The following PELP1 variants were observed in gnomAD, a reference collection of about 807,000 sequenced individuals.
The protein encoded by PELP1 is proline-, glutamic acid- and leucine-rich protein 1.
PELP1 carries 32 observed loss-of-function variants against 95.5 expected under a neutral mutation model. The observed-to-expected ratio is 0.34, with a 90% CI of 0.25 to 0.45. PELP1 has a LOEUF of 0.45. Ranked by LOEUF, PELP1 falls within the 20% of genes least tolerant of loss-of-function variation. The pLI is 1.00. For synonymous variants in PELP1, 668 were observed against 600.1 expected, an observed-to-expected ratio of 1.11 and a Z score of -1.65; for missense variants, 1,358 against 1,444.8, an observed-to-expected ratio of 0.94 and a Z score of 0.97.
At chr17:4,702,811 T>C (rs1432145183) in intron 1 of PELP1, among the ~76,000 whole-genome samples, 4 of 152,082 alleles carry the variant, frequency 2.6e-5, no homozygotes, top group Non-Finnish European at 5.9e-5. Flanking sequence ...GGAGGTTTAG[T>C]GGGAGAGAAG....
rs540276636 is a variant in PELP1, at chr17:4,673,379, G to T, written c.1716C>A (p.Ser572Arg). 1.9e-6 allele frequency: 3 copies of T among 1,597,382 alleles called. No individual in the cohort carries two copies. In the South Asian group the frequency reaches 3.4e-5, roughly 18 times the overall value. Residue 572 changes from serine (S) to arginine (R), a missense_variant, in exon 15 of 17, where the codon AGC (serine) becomes AGA (arginine). By Grantham distance (110) the Ser-to-Arg change is moderately radical. Transcript: ENST00000572293. This position sits in a 1 kb window ranked among gnomAD's most constrained non-coding sequence, Gnocchi z 5.7. ...GEVLGSSPYT[S>R]SRCRRELYCL... ...AGTAGAGTTCACGGCGGCAGCGGGA[G>T]CTCGTGTACGGGGAGCTGCCTAGGA... is the stretch of plus-strand genomic sequence containing the variant.
At chr17:4,681,631 C>T (rs113114232) in intron 5 of PELP1, among the ~76,000 whole-genome samples, 7 of 152,076 alleles carry the variant, frequency 4.6e-5, no homozygotes, top group South Asian at 2.1e-4. Flanking sequence ...GAAACCCCAT[C>T]TCTACTAAAA....
Position 4,676,097 on chromosome 17 carries a change from C to T in PELP1, c.919G>A (p.Val307Ile). The T allele has an allele frequency of 6.2e-7, 1 of 1,614,024 alleles. No homozygotes were observed. Among genetic ancestry groups the T allele is most frequent in the Non-Finnish European group, 8.5e-7 (1 of 1,179,894 alleles). The change falls in exon 8 of 17, where the codon GTC becomes ATC. Residue 307 changes from valine to isoleucine, a missense_variant. Coordinates refer to ENST00000572293, the MANE Select transcript of PELP1 (RefSeq NM_014389.3). ...AACCTCTGCCGAAGCTGGAGAAGGA[C>T]ATGGGCATCACCATCTTCTGAGGAC... ...LLSSEDGDAH[V>I]LLQLRQRFSG...
chr17:4,689,356 T>C (rs1321486151), intron 3 of PELP1, among the ~76,000 whole-genome samples: 1 of 152,210 alleles, frequency 6.6e-6, no homozygotes, highest in Non-Finnish European at 1.5e-5. Context: ...AAAAAGCCTC[T>C]GCACAGCAAA....
At chr17:4,695,089 G>A (rs2326116) in intron 1 of PELP1, among the ~76,000 whole-genome samples, 148,241 of 151,660 alleles carry the variant, frequency 0.98, 72,529 homozygotes, top group Middle Eastern at 1. Context: ...TTGGGCAGCC[G>A]AAGCGGGTGG....
rs1912274136 is a variant in PELP1 at position 4,672,678 on chromosome 17, C to G, written c.2313G>C (p.Glu771Asp). ...PRPAFVHYDK[E>D]EASDVEISLE... is the part of the protein sequence containing the mutation. ...AGGAGATCTCCACATCAGATGCCTC[C>G]TCCTTGTCATAGTGGACAAAGGCTG... Residue 771 changes from glutamate (E) to aspartate (D), a missense_variant, in exon 16 of 17, where the codon GAG (glutamate) becomes GAC (aspartate). Coordinates refer to ENST00000572293, the MANE Select transcript of PELP1 (RefSeq NM_014389.3). The G allele has an allele frequency of 6.2e-7, 1 of 1,613,494 alleles. No homozygotes were observed. Among genetic ancestry groups the G allele is most frequent in the African/African-American group, 1.3e-5 (1 of 74,922 alleles).
At position 4,676,376 on chromosome 17, in the gene PELP1, C is replaced by T; in HGVS notation, c.834G>A (p.Leu278=). The change falls in exon 7 of 17, where the codon CTG becomes CTA. Residue 278 remains leucine (L), a synonymous_variant. Transcript: ENST00000572293. ...LASLHTLLGA[L]YEGAETAPVQ... Reference sequence around the variant, plus strand: ...CCCTACCAGTCTCTGCTCCCTCGTACAGGGCCCCCAGCAGGGTGTGCAGTG... The same window carrying T: ...CCCTACCAGTCTCTGCTCCCTCGTATAGGGCCCCCAGCAGGGTGTGCAGTG... The T allele has an allele frequency of 6.2e-7, 1 of 1,613,618 alleles. No homozygotes were observed. The highest frequency in any genetic ancestry group is 8.5e-7 in the Non-Finnish European group (1 of 1,179,718).
At chr17:4,676,701 G>A (rs1912494294) in intron 6 of PELP1, 52 bp downstream of exon 6, 1 of 1,486,854 alleles carries the variant, frequency 6.7e-7, no homozygotes, top group Admixed American at 2.0e-5. Flanking sequence ...AGCAGCAAGA[G>A]ACAATCCAGG....
rs1291162357 is a variant in PELP1, at chr17:4,675,023, G to GCACCC, written c.1274+51_1274+55dup. 3.1e-6 allele frequency: 5 copies of GCACCC among 1,605,832 alleles called. No homozygotes were observed. The East Asian group carries it at 1.1e-4, about 36-fold the overall frequency. The stretch of plus-strand genomic sequence containing the variant: ...ACATGCCAGAAGCCCCAGCCCACCT[G>GCACCC]CACCCCCTCACCCCCCTCTCCTCTT... On this transcript the variant is annotated intron_variant, in intron 11 of 16. Coordinates refer to ENST00000572293, the MANE Select transcript of PELP1 (RefSeq NM_014389.3). This position sits in a 1 kb window ranked among gnomAD's most constrained non-coding sequence, Gnocchi z 4.3.
At chr17:4,690,313 T>C (rs181212011) in intron 3 of PELP1, among the ~76,000 whole-genome samples, 3 of 152,210 alleles carry the variant, frequency 2.0e-5, no homozygotes, top group Non-Finnish European at 2.9e-5. Context: ...AAACTACATA[T>C]TGAGTACAAC....
rs753210674 is a variant in PELP1 at position 4,672,457 on chromosome 17, G to A, written c.2534C>T (p.Pro845Leu). 58 of 1,567,634 alleles carry A rather than the reference G, an allele frequency of 3.7e-5. No homozygotes were observed. Among genetic ancestry groups the A allele is most frequent in the African/African-American group, 5.4e-5 (4 of 74,302 alleles). Residue 845 changes from proline to leucine, a missense_variant, in exon 16 of 17, where the codon CCG (proline) becomes CTG (leucine). By Grantham distance (98) the Pro-to-Leu change is moderately conservative. Coordinates refer to ENST00000572293, the MANE Select transcript of PELP1 (RefSeq NM_014389.3). ...APGPLPPPPP[P>L]PPPVPGPVTL... ...CACAGGACCAGGAACAGGCGGCGGCGGAGGTGGGGGTGGCGGGAGAGGCCC... is the reference window on the plus strand; with the variant it reads ...CACAGGACCAGGAACAGGCGGCGGCAGAGGTGGGGGTGGCGGGAGAGGCCC...
rs1362766983 is a variant in PELP1 at position 4,673,929 on chromosome 17, G to A, written c.1583-255C>T. 11 of 475,960 alleles carry A rather than the reference G, an allele frequency of 2.3e-5. No homozygotes were observed. The East Asian group carries it at 3.0e-4, about 13-fold the overall frequency. The allele number at this position is 475,960 out of a possible 1,614,324, so 29.5% of individuals were successfully genotyped here. On this transcript the variant is annotated intron_variant, in intron 13 of 16. Transcript: ENST00000572293. This position sits in a 1 kb window ranked among gnomAD's most constrained non-coding sequence, Gnocchi z 5.7. ...TGCATTTATATATTTGGGAACAATC[G>A]GTTCTCCCCTTCCCATGGGATGGGG...
At position 4,676,777 on chromosome 17, in the gene PELP1, A is replaced by T; in HGVS notation, c.678T>A (p.Asp226Glu). Residue 226 changes from aspartate to glutamate, a missense_variant, in exon 6 of 17, where the codon GAT becomes GAA. Physicochemically the swap from Asp to Glu is conservative, Grantham distance 45. Transcript: ENST00000572293. The stretch of plus-strand genomic sequence containing the variant: ...CCTGTTGGAGCTGAGGGCTCAAGGC[A>T]TCCACCCTAGACAGAAAAAATGAGG... ...KLASFFLSRVDALSPQLQQLA... is the reference protein window; with the variant it reads ...KLASFFLSRVEALSPQLQQLA... The T allele has an allele frequency of 6.4e-7, 1 of 1,571,574 alleles. No individual in the cohort carries two copies. The highest frequency in any genetic ancestry group is 2.4e-5 in the East Asian group (1 of 42,508).
At position 4,672,782 on chromosome 17, in the gene PELP1, C is replaced by T; in HGVS notation, c.2209G>A (p.Asp737Asn). The change falls in exon 16 of 17, where the codon GAC becomes AAC. Residue 737 changes from aspartate (D) to asparagine (N), a missense_variant. This residue lies in a region of PELP1 where 340 missense variants were observed against 322.9 expected (regional missense o/e 1.05). Transcript: ENST00000572293. ...GTCCCACTAGGGGCAAGGATGGGGT[C>T]CTCATTTGAGCCTGCCCGGTGGTTC... is the stretch of plus-strand genomic sequence containing the variant. ...PENHRAGSNE[D>N]PILAPSGTPP... 2 of 1,613,736 alleles carry T rather than the reference C, an allele frequency of 1.2e-6. No homozygotes were observed. Among genetic ancestry groups the T allele is most frequent in the Middle Eastern group, 1.7e-4 (1 of 6,058 alleles).
In PELP1 at chr17:4,673,122, T is replaced by C. The variant is rs1475288257; in HGVS notation, c.1869A>G (p.Ala623=). 1 of 1,520,672 alleles carries C rather than the reference T, an allele frequency of 6.6e-7. No homozygotes were observed. The highest frequency in any genetic ancestry group is 1.4e-5 in the African/African-American group (1 of 71,920). The allele number at this position is 1,520,672 out of a possible 1,614,324, so 94.2% of individuals were successfully genotyped here. A position where few individuals can be genotyped will look rare whatever the true frequency, so the allele number is the denominator to read the frequency against. ...SLEVSSFCSE[A]LVTCAALTHP... ...GGGTCAGAGCAGCACAGGTCACCAG[T>C]GCTTCTGAGCAGAAAGAGGAGACCT... The change falls in exon 16 of 17, where the codon GCA becomes GCG. Residue 623 remains alanine (A), a synonymous_variant. Coordinates refer to ENST00000572293, the MANE Select transcript of PELP1 (RefSeq NM_014389.3). The surrounding 1 kb of genome is among the most constrained non-coding windows in gnomAD (Gnocchi z 5.7).
Position 4,704,003 on chromosome 17 carries a change from G to C in PELP1, c.109C>G (p.Leu37Val), listed in dbSNP as rs763072976. The C allele has an allele frequency of 5.6e-5, 91 of 1,613,188 alleles. No homozygotes were observed. Among genetic ancestry groups the C allele is most frequent in the Non-Finnish European group, 7.7e-5 (91 of 1,179,746 alleles). ...AGCAAACCAGAAACACTCTCCAGCA[G>C]CAGCAGGCGGAGCCGCGGGCCCGAG... The part of the protein sequence containing the change: ...VSSGPRLRLL[L>V]LESVSGLLQP... The change falls in exon 1 of 17, where the codon CTG (leucine) becomes GTG (valine). Residue 37 changes from leucine to valine, a missense_variant. This residue lies in a region of PELP1 where 169 missense variants were observed against 134.9 expected (regional missense o/e 1.25). Transcript: ENST00000572293.
At chr17:4,682,986 C>T in intron 3 of PELP1, 34 bp from the exon 4 acceptor site, 1 of 1,439,994 alleles carries the variant, frequency 6.9e-7, no homozygotes, top group African/African-American at 1.4e-5. Flanking sequence ...TGCTTCCAGC[C>T]TCACCTTGAT....
chr17:4,684,553 C>T (rs185751481), intron 3 of PELP1, among the ~76,000 whole-genome samples: 176 of 152,276 alleles, frequency 1.2e-3, no homozygotes, highest in African/African-American at 4.1e-3. Context: ...TCAATACTAT[C>T]TTCCTCCCTT....
intron 1 of PELP1, chr17:4,691,722 C>T (rs1199285142): frequency 4.7e-6 from 2 of 424,726 alleles, no homozygotes; most frequent in African/African-American, 4.0e-5. Flanking sequence ...AATCCCACTA[C>T]CAGACTTCAA....
Sources: gnomAD v4.1 joint callset for allele counts (sites outside exome capture counted in the v4.1 genomes callset) on GRCh38, gnomAD v4.1.1 for gene constraint, gnomAD v4.1.1 regional missense constraint, Gnocchi (gnomAD v3.1) non-coding constraint, MANE v1.5 for transcripts, NCBI Gene and HGNC (gene_info 2026-07-23, HGNC 2026-07-21) for gene names.